CCDC192: variants seen among roughly 807,000 people sequenced by gnomAD.
CCDC192 encodes the protein coiled-coil domain containing 192.
intron 6 of CCDC192, among the ~76,000 whole-genome samples, chr5:127,925,170 A>C (rs1341862394): frequency 3.3e-5 from 5 of 152,242 alleles, no homozygotes; most frequent in African/African-American, 1.2e-4. Context: ...AGCTTTAATA[A>C]TGTTCTCAAG....
chr5:127,713,471 A>G (rs950709842), intron 2 of CCDC192, among the ~76,000 whole-genome samples: 1 of 152,144 alleles, frequency 6.6e-6, no homozygotes, highest in African/African-American at 2.4e-5. Flanking sequence ...AGAATTTTTC[A>G]TATATATTTT....
chr5:127,811,525 T>C (rs1033882598), intron 5 of CCDC192, among the ~76,000 whole-genome samples: 4 of 152,210 alleles, frequency 2.6e-5, no homozygotes, highest in African/African-American at 4.8e-5. Context: ...GACAGAAATA[T>C]GTGCTTAGAT....
chr5:127,842,302 C>T (rs562077360), intron 5 of CCDC192, among the ~76,000 whole-genome samples: 2 of 152,330 alleles, frequency 1.3e-5, no homozygotes, highest in East Asian at 3.9e-4. Flanking sequence ...GCTAACTCAA[C>T]TTCCTGTTTT....
chr5:127,924,723 A>G (rs1753818756), intron 6 of CCDC192, among the ~76,000 whole-genome samples: 1 of 152,226 alleles, frequency 6.6e-6, no homozygotes, highest in African/African-American at 2.4e-5. Flanking sequence ...TGTCTGAACA[A>G]TGGATAGGTG....
intron 6 of CCDC192, among the ~76,000 whole-genome samples, chr5:127,887,992 C>G (rs1357697082): frequency 6.6e-6 from 1 of 152,064 alleles, no homozygotes; most frequent in Non-Finnish European, 1.5e-5. Flanking sequence ...CACGAGCCAG[C>G]GCGCCCAACC....
At chr5:127,726,898 C>T (rs953262361) in intron 2 of CCDC192, among the ~76,000 whole-genome samples, 2 of 152,206 alleles carry the variant, frequency 1.3e-5, no homozygotes, top group Admixed American at 1.3e-4. Context: ...AAGGGGCCAC[C>T]AGAGTGCTTC....
rs1036692310 is a variant in CCDC192 at position 127,885,748 on chromosome 5, T to C, written c.535+10087T>C. On this transcript the variant is annotated intron_variant, in intron 6 of 6. Coordinates refer to ENST00000514853, the MANE Select transcript of CCDC192 (RefSeq NM_001317938.2). Reference sequence around the variant, plus strand: ...GAGACTTCTGTATGAAGGCACAGCATTTATTTCTGGCCAGTGGGATAATGT... The same window carrying C: ...GAGACTTCTGTATGAAGGCACAGCACTTATTTCTGGCCAGTGGGATAATGT... Among the ~76,000 whole-genome samples, 7 of 152,138 alleles carry C rather than the reference T, an allele frequency of 4.6e-5. No individual in the cohort carries two copies. The East Asian group carries it at 1.3e-3, about 29-fold the overall frequency.
At chr5:127,914,601 T>C (rs1490314445) in intron 6 of CCDC192, among the ~76,000 whole-genome samples, 2 of 152,200 alleles carry the variant, frequency 1.3e-5, no homozygotes, top group African/African-American at 4.8e-5. Flanking sequence ...TGGTAACTTT[T>C]ACTTGACTAT....
At chr5:127,844,713 T>C (rs1750452006) in intron 5 of CCDC192, among the ~76,000 whole-genome samples, 2 of 152,206 alleles carry the variant, frequency 1.3e-5, no homozygotes, top group Non-Finnish European at 2.9e-5. Context: ...CTGCTCTTTG[T>C]GCATTCACAG....
chr5:127,740,404 G>A (rs1274698156), intron 2 of CCDC192: 2 of 152,128 alleles, frequency 1.3e-5, no homozygotes, highest in African/African-American at 4.8e-5. Context: ...TTATCTGATA[G>A]GAAAGGATGC....
At chr5:127,934,841 T>G (rs1754143906) in intron 6 of CCDC192, among the ~76,000 whole-genome samples, 1 of 152,208 alleles carries the variant, frequency 6.6e-6, no homozygotes, top group South Asian at 2.1e-4. Context: ...TGGCAAGAGA[T>G]GACCCTGGAC....
In CCDC192 at chr5:127,737,925, T is replaced by C. The variant is rs1753121619; in HGVS notation, c.115-16343T>C. Among the ~76,000 whole-genome samples the C allele has an allele frequency of 2.0e-5, 3 of 151,850 alleles. No individual in the cohort carries two copies. In the South Asian group the frequency reaches 6.3e-4, roughly 32 times the overall value. ...TCTTTTAATTGGAGCATTTAGTCCA[T>C]TTACATTTAAAGTTAATATTGTTAT... On this transcript the variant is annotated intron_variant, in intron 2 of 6. Transcript: ENST00000514853.
chr5:127,713,938 A>G (rs1316973057), intron 2 of CCDC192, among the ~76,000 whole-genome samples: 2 of 152,346 alleles, frequency 1.3e-5, no homozygotes, highest in South Asian at 2.1e-4. Context: ...GTGGAACACT[A>G]GAACTTATTC....
intron 6 of CCDC192, among the ~76,000 whole-genome samples, chr5:127,915,320 G>A (rs1753488088): frequency 6.6e-6 from 1 of 152,166 alleles, no homozygotes; most frequent in South Asian, 2.1e-4. Context: ...AGAGCAACCT[G>A]CTGCCCGCGG....
chr5:127,939,838 A>AATCTC (rs1754325329), intron 6 of CCDC192, among the ~76,000 whole-genome samples: 1 of 152,114 alleles, frequency 6.6e-6, no homozygotes, highest in Non-Finnish European at 1.5e-5. Flanking sequence ...TTTCACTGGG[A>AATCTC]ATCTCATAAA....
chr5:127,854,698 T>A (rs1351488699), intron 5 of CCDC192, among the ~76,000 whole-genome samples: 1 of 152,102 alleles, frequency 6.6e-6, no homozygotes, highest in Non-Finnish European at 1.5e-5. Context: ...CACGCATACC[T>A]CAGAGATACT....
intron 5 of CCDC192, among the ~76,000 whole-genome samples, chr5:127,839,652 T>C (rs907290086): frequency 1.3e-5 from 2 of 152,136 alleles, no homozygotes; most frequent in Non-Finnish European, 2.9e-5. Context: ...TTACACAACA[T>C]TGCAGGGAAG....
At chr5:127,783,162 A>T (rs1423189677) in intron 3 of CCDC192, among the ~76,000 whole-genome samples, 1 of 151,796 alleles carries the variant, frequency 6.6e-6, no homozygotes, top group Non-Finnish European at 1.5e-5. Context: ...TGACCTGCTA[A>T]TTTTTGTATT....
chr5:127,729,526 T>C (rs1241249584), intron 2 of CCDC192, among the ~76,000 whole-genome samples: 2 of 152,206 alleles, frequency 1.3e-5, no homozygotes, highest in African/African-American at 4.8e-5. Context: ...GGATCTGATA[T>C]GTATCTGCAG....
Sources: gnomAD v4.1 joint callset for allele counts (sites outside exome capture counted in the v4.1 genomes callset) on GRCh38, gnomAD v4.1.1 for gene constraint, MANE v1.5 for transcripts, NCBI Gene and HGNC (gene_info 2026-07-23, HGNC 2026-07-21) for gene names.